The following LRRTM4 variants were observed in gnomAD, a reference collection of about 807,000 sequenced individuals.
LRRTM4 encodes the protein leucine-rich repeat transmembrane neuronal protein 4.
LRRTM4 carries 25 observed loss-of-function variants against 47.6 expected under a neutral mutation model. The observed-to-expected ratio is 0.53, with a 90% CI of 0.38 to 0.73. The LOEUF is 0.73. Ranked by LOEUF, LRRTM4 falls within the 30% of genes least tolerant of loss-of-function variation. LRRTM4 has a pLI of 0.00. For missense variants in LRRTM4, 638 were observed against 713.4 expected (o/e 0.89, Z 1.20); for synonymous variants, 311 against 269.5 (o/e 1.15, Z -1.51).
At chr2:77,243,842 C>T (rs1369431993) in intron 3 of LRRTM4, among the ~76,000 whole-genome samples, 1 of 140,066 alleles carries the variant, frequency 7.1e-6, no homozygotes, top group African/African-American at 2.7e-5. Context: ...CATATGTATA[C>T]ATGTGCCATG....
chr2:77,171,283 T>A (rs1025619092), intron 3 of LRRTM4, among the ~76,000 whole-genome samples: 1 of 152,116 alleles, frequency 6.6e-6, no homozygotes, highest in Non-Finnish European at 1.5e-5. Flanking sequence ...CTTGCTTGCT[T>A]GTTTGTTTTT....
chr2:77,018,259 C>CTTTTTTTTTTTTTTTTTTTTTTTTTTT lies in LRRTM4; in HGVS notation c.1552-269344_1552-269343insAAAAAAAAAAAAAAAAAAAAAAAAAAA, dbSNP rs59294966. 5.7e-4 allele frequency among the ~76,000 whole-genome samples: 43 copies of CTTTTTTTTTTTTTTTTTTTTTTTTTTT among 75,022 alleles called. 2 individuals carry two copies. Among genetic ancestry groups the CTTTTTTTTTTTTTTTTTTTTTTTTTTT allele is most frequent in the Admixed American group, 8.9e-4 (5 of 5,600 alleles). The allele number at this position is 75,022 out of a possible 152,430, so 49.2% of individuals were successfully genotyped here. ...CCATGTAATGCTAAGCTCTTGATTG[C>CTTTTTTTTTTTTTTTTTTTTTTTTTTT]TTTTTTTTTTTTTTTTTTGTCTTTG... is the stretch of plus-strand genomic sequence containing the variant. On this transcript the variant is annotated intron_variant, in intron 3 of 3. Transcript: ENST00000409884.
At chr2:77,080,459 A>G (rs1394888535) in intron 3 of LRRTM4, among the ~76,000 whole-genome samples, 1 of 152,162 alleles carries the variant, frequency 6.6e-6, no homozygotes, top group African/African-American at 2.4e-5. Flanking sequence ...ATGCAGAAGT[A>G]TATTTACTAC....
chr2:76,795,010 T>A (rs1675195042), intron 3 of LRRTM4, among the ~76,000 whole-genome samples: 1 of 151,736 alleles, frequency 6.6e-6, no homozygotes, highest in African/African-American at 2.4e-5. Context: ...AAGAAAAATA[T>A]TACCAGATTT....
At chr2:76,955,618 A>G (rs1263053799) in intron 3 of LRRTM4, among the ~76,000 whole-genome samples, 1 of 151,758 alleles carries the variant, frequency 6.6e-6, no homozygotes, top group Non-Finnish European at 1.5e-5. Context: ...AATTCCCAAT[A>G]CGATGCTATG....
chr2:77,311,940 G>A (rs1677467268), intron 3 of LRRTM4, among the ~76,000 whole-genome samples: 1 of 152,136 alleles, frequency 6.6e-6, no homozygotes, highest in Non-Finnish European at 1.5e-5. Flanking sequence ...GGGCTTAATG[G>A]ACGCTGGTTT....
At chr2:77,088,027 G>A (rs1680782616) in intron 3 of LRRTM4, among the ~76,000 whole-genome samples, 1 of 152,144 alleles carries the variant, frequency 6.6e-6, no homozygotes, top group South Asian at 2.1e-4. Context: ...GGGAAGCAGG[G>A]ACAACAAATA....
intron 3 of LRRTM4, among the ~76,000 whole-genome samples, chr2:77,013,166 G>C (rs1268663792): frequency 6.7e-6 from 1 of 148,572 alleles, no homozygotes; most frequent in Non-Finnish European, 1.5e-5. Flanking sequence ...CCAGCTTTGG[G>C]CTGAATCAGG....
intron 3 of LRRTM4, among the ~76,000 whole-genome samples, chr2:77,111,976 G>A (rs1172935270): frequency 6.6e-6 from 1 of 152,166 alleles, no homozygotes; most frequent in African/African-American, 2.4e-5. Context: ...TCGACTGGGG[G>A]TTGTGAAAAG....
At chr2:77,191,078 A>G (rs182994707) in intron 3 of LRRTM4, among the ~76,000 whole-genome samples, 3 of 152,292 alleles carry the variant, frequency 2.0e-5, no homozygotes, top group Admixed American at 1.3e-4. Context: ...TGGAAAATAG[A>G]AACTACAGCA....
At chr2:77,442,678 A>T (rs1675890389) in intron 3 of LRRTM4, among the ~76,000 whole-genome samples, 1 of 152,200 alleles carries the variant, frequency 6.6e-6, no homozygotes, top group South Asian at 2.1e-4. Flanking sequence ...ATTTGTTGGT[A>T]CTGTCTATGT....
intron 3 of LRRTM4, among the ~76,000 whole-genome samples, chr2:77,448,283 A>G (rs1377224897): frequency 6.6e-6 from 1 of 152,166 alleles, no homozygotes; most frequent in African/African-American, 2.4e-5. Flanking sequence ...TGCAGACACC[A>G]TGAGATGATT....
chr2:77,328,963 T>C (rs1212488548), intron 3 of LRRTM4, among the ~76,000 whole-genome samples: 2 of 152,208 alleles, frequency 1.3e-5, no homozygotes, highest in Admixed American at 1.3e-4. Context: ...GTCTGGCACC[T>C]GGGGTGTTTC....
At chr2:77,230,032 TGTTATTCTTGTAATTCCTCTA>T (rs1178127288) in intron 3 of LRRTM4, among the ~76,000 whole-genome samples, 1 of 152,152 alleles carries the variant, frequency 6.6e-6, no homozygotes, top group East Asian at 1.9e-4. Flanking sequence ...AGCAAGTCTG[TGTTATTCTTGTAATTCCTCTA>T]ATTTTTCAGT....
At chr2:76,830,564 C>T (rs1671321296) in intron 3 of LRRTM4, among the ~76,000 whole-genome samples, 1 of 149,038 alleles carries the variant, frequency 6.7e-6, no homozygotes, top group Non-Finnish European at 1.5e-5. Flanking sequence ...ACTAGTGACC[C>T]AGGGAGCATA....
intron 3 of LRRTM4, among the ~76,000 whole-genome samples, chr2:77,391,179 A>G (rs1428970924): frequency 6.6e-6 from 1 of 152,018 alleles, no homozygotes; most frequent in East Asian, 1.9e-4. Context: ...AGGACAGATG[A>G]AAGCTTTATA....
At chr2:76,793,566 T>A (rs1388698909) in intron 3 of LRRTM4, among the ~76,000 whole-genome samples, 1 of 150,568 alleles carries the variant, frequency 6.6e-6, no homozygotes, top group African/African-American at 2.5e-5. Context: ...AGCCCCCTGG[T>A]AATAATGTAG....
chr2:77,455,280 A>G (rs1676485595), intron 3 of LRRTM4, among the ~76,000 whole-genome samples: 1 of 152,200 alleles, frequency 6.6e-6, no homozygotes, highest in Non-Finnish European at 1.5e-5. Context: ...ATTATTTTCA[A>G]AATATTTTTC....
intron 3 of LRRTM4, among the ~76,000 whole-genome samples, chr2:77,286,780 G>C (rs760657657): frequency 4.6e-5 from 7 of 152,000 alleles, no homozygotes; most frequent in South Asian, 4.1e-4. Flanking sequence ...TCTAGCTATT[G>C]TCATGTTTTT....
Sources: allele counts gnomAD v4.1 joint callset (sites outside exome capture counted in the v4.1 genomes callset), GRCh38; gene constraint gnomAD v4.1.1; transcripts MANE v1.5; gene names NCBI Gene and HGNC (gene_info 2026-07-23, HGNC 2026-07-21).